IGF1R: variants seen among roughly 807,000 people sequenced by gnomAD.
IGF1R encodes insulin-like growth factor 1 receptor.
Under a neutral mutation model 144.6 loss-of-function variants are expected in IGF1R, and 44 were observed. The observed-to-expected ratio is 0.30, with a 90% confidence interval of 0.24 to 0.39. The LOEUF (loss-of-function observed/expected upper bound fraction) is 0.39. IGF1R is among the 10% of genes least tolerant of loss of function. The pLI, the probability that IGF1R is intolerant of heterozygous loss-of-function variation, is 1.00. For synonymous variants in IGF1R, 795 were observed against 722.8 expected (o/e 1.10, Z -1.60); for missense variants, 1,355 against 1,833.7 (o/e 0.74, Z 4.77).
chr15:98,939,415 A>T, intron 18 of IGF1R, 55 bp downstream of exon 18: 1 of 1,578,098 alleles, frequency 6.3e-7, no homozygotes, highest in South Asian at 1.1e-5. Flanking sequence ...TGTTTTGAGG[A>T]CTTTGTTGGC....
At chr15:98,697,419 C>G (rs1427242721) in intron 1 of IGF1R, among the ~76,000 whole-genome samples, 1 of 152,156 alleles carries the variant, frequency 6.6e-6, no homozygotes. Context: ...GCCCAGAGCC[C>G]ATTTCCCTGG....
rs544674838 is a variant in IGF1R at position 98,649,525 on chromosome 15, C to CTTTTTTTTTTT, written c.-43_-33dup. On this transcript the variant is annotated 5_prime_UTR_variant, in exon 1 of 21. Transcript: ENST00000650285. ...TCATTTCCTTTTTTTCTTTTCTTTT[C>CTTTTTTTTTTT]TTTTTTTTTTTTTTTTTTTTTTTTG... 1.7e-4 allele frequency: 121 copies of CTTTTTTTTTTT among 726,210 alleles called. 1 individual carries two copies. The highest frequency in any genetic ancestry group is 6.6e-4 in the South Asian group (37 of 56,178). The allele number at this position is 726,210 out of a possible 1,614,324, so 45.0% of individuals were successfully genotyped here. A position where few individuals can be genotyped will look rare whatever the true frequency, so the allele number is the denominator to read the frequency against.
chr15:98,664,917 A>G (rs2141184051), intron 1 of IGF1R, among the ~76,000 whole-genome samples: 1 of 146,714 alleles, frequency 6.8e-6, no homozygotes, highest in African/African-American at 2.5e-5. Flanking sequence ...TCCTAGCTAC[A>G]TTTGCCGTTT....
In IGF1R at chr15:98,719,373, C is replaced by T. The variant is rs561975482; in HGVS notation, c.640+11266C>T. Among the ~76,000 whole-genome samples, 3 of 152,256 alleles carry T rather than the reference C, an allele frequency of 2.0e-5. No individual in the cohort carries two copies. The South Asian group carries it at 6.2e-4, about 32-fold the overall frequency. ...TTACCCCTGGCCATTCTTTTGTGACCAGTAGTCCTTTATGAATGGAATTCT... is the reference window on the plus strand; with the variant it reads ...TTACCCCTGGCCATTCTTTTGTGACTAGTAGTCCTTTATGAATGGAATTCT... On this transcript the variant is annotated intron_variant, in intron 2 of 20. Transcript: ENST00000650285.
intron 2 of IGF1R, among the ~76,000 whole-genome samples, chr15:98,777,695 G>C (rs1224836975): frequency 6.6e-6 from 1 of 152,232 alleles, no homozygotes; most frequent in Non-Finnish European, 1.5e-5. Context: ...AGGGCAGCAA[G>C]TGCATCCTCA....
intron 2 of IGF1R, among the ~76,000 whole-genome samples, chr15:98,879,558 T>C (rs183071910): frequency 1.1e-4 from 16 of 152,248 alleles, no homozygotes; most frequent in Non-Finnish European, 2.1e-4. Context: ...CTCTTAACTC[T>C]TTTTTCCTGG....
intron 13 of IGF1R, among the ~76,000 whole-genome samples, chr15:98,925,353 C>T (rs892464732): frequency 1.3e-5 from 2 of 152,168 alleles, no homozygotes; most frequent in African/African-American, 2.4e-5. Context: ...GATGTATAAG[C>T]GCAACAAGGG....
intron 2 of IGF1R, among the ~76,000 whole-genome samples, chr15:98,808,482 C>T (rs2056513282): frequency 6.6e-6 from 1 of 152,090 alleles, no homozygotes; most frequent in African/African-American, 2.4e-5. Context: ...ACCTGTGTCA[C>T]CAGTGGCATA....
chr15:98,800,440 A>G (rs1730979528), intron 2 of IGF1R, among the ~76,000 whole-genome samples: 1 of 152,180 alleles, frequency 6.6e-6, no homozygotes, highest in Non-Finnish European at 1.5e-5. Context: ...CTCTACCCCA[A>G]TTTGGCAATC....
At position 98,707,909 on chromosome 15, in the gene IGF1R, G is replaced by A. The variant is rs769115447; in HGVS notation, c.442G>A (p.Asp148Asn). Residue 148 changes from aspartate to asparagine, a missense_variant, in exon 2 of 21, where the codon GAC becomes AAC. By Grantham distance (23) the Asp-to-Asn change is conservative. Coordinates refer to ENST00000650285, the MANE Select transcript of IGF1R (RefSeq NM_000875.5). This position sits in a 1 kb window ranked among gnomAD's most constrained non-coding sequence, Gnocchi z 6.7. ...GGCCATCAGGATTGAGAAAAATGCT[G>A]ACCTCTGTTACCTCTCCACTGTGGA... ...RGAIRIEKNADLCYLSTVDWS... is the reference protein window; with the variant it reads ...RGAIRIEKNANLCYLSTVDWS... 4 of 1,614,044 alleles carry A rather than the reference G, an allele frequency of 2.5e-6. No homozygotes were observed. The highest frequency in any genetic ancestry group is 3.4e-6 in the Non-Finnish European group (4 of 1,180,032).
At chr15:98,809,151 G>A (rs2056530951) in intron 2 of IGF1R, among the ~76,000 whole-genome samples, 1 of 152,234 alleles carries the variant, frequency 6.6e-6, no homozygotes, top group Non-Finnish European at 1.5e-5. Context: ...GAGGCCCTTT[G>A]ACACTCCGGG....
chr15:98,957,413 T>C lies in IGF1R; in HGVS notation c.4075T>C (p.Leu1359=), dbSNP rs2151738882. 1 of 1,613,234 alleles carries C rather than the reference T, an allele frequency of 6.2e-7. No homozygotes were observed. Among genetic ancestry groups the C allele is most frequent in the Non-Finnish European group, 8.5e-7 (1 of 1,180,050 alleles). The part of the protein sequence containing the change: ...MNGGRKNERA[L]PLPQSSTC ...CGGGGGCCGCAAGAACGAGCGGGCC[T>C]TGCCGCTGCCCCAGTCTTCGACCTG... is the stretch of plus-strand genomic sequence containing the variant. The change falls in exon 21 of 21, where the codon TTG becomes CTG. Residue 1359 remains leucine (L), a synonymous_variant. Transcript: ENST00000650285.
At chr15:98,853,533 T>C (rs536172262) in intron 2 of IGF1R, among the ~76,000 whole-genome samples, 12 of 152,348 alleles carry the variant, frequency 7.9e-5, no homozygotes, top group Non-Finnish European at 1.0e-4. Flanking sequence ...ACATCCAGTC[T>C]TGCTTAGTTT....
At chr15:98,797,480 C>T (rs1051895441) in intron 2 of IGF1R, among the ~76,000 whole-genome samples, 3 of 152,110 alleles carry the variant, frequency 2.0e-5, no homozygotes, top group African/African-American at 2.4e-5. Context: ...TTCTTTGCGT[C>T]GGAGCCATGT....
In IGF1R at chr15:98,759,245, C is replaced by G. The variant is rs138672484; in HGVS notation, c.640+51138C>G. On this transcript the variant is annotated intron_variant, in intron 2 of 20. Coordinates refer to ENST00000650285, the MANE Select transcript of IGF1R (RefSeq NM_000875.5). ...CTTGGCCCAAATTTGAGGGTATTGC[C>G]ATCTGTATCTCAGTGCAGGTGTTTC... 1.8e-4 allele frequency among the ~76,000 whole-genome samples: 27 copies of G among 152,346 alleles called. No homozygotes were observed. The Middle Eastern group carries it at 0.01, about 58-fold the overall frequency.
At chr15:98,884,448 A>C (rs1469910834) in intron 2 of IGF1R, among the ~76,000 whole-genome samples, 1 of 152,128 alleles carries the variant, frequency 6.6e-6, no homozygotes, top group Non-Finnish European at 1.5e-5. Context: ...TAATCCCAGC[A>C]CTTTGGGAGG....
At chr15:98,882,325 A>G (rs1018853114) in intron 2 of IGF1R, among the ~76,000 whole-genome samples, 1 of 152,214 alleles carries the variant, frequency 6.6e-6, no homozygotes, top group African/African-American at 2.4e-5. Context: ...CATTTTTAAT[A>G]TGTGTATGGA....
At chr15:98,895,390 ACT>A (rs939878351) in intron 3 of IGF1R, among the ~76,000 whole-genome samples, 24 of 151,134 alleles carry the variant, frequency 1.6e-4, no homozygotes, top group African/African-American at 5.1e-4. Context: ...GCTTTTTGTG[ACT>A]CTATAATTAT....
chr15:98,791,303 A>G (rs578172027), intron 2 of IGF1R, among the ~76,000 whole-genome samples: 1 of 152,384 alleles, frequency 6.6e-6, no homozygotes, highest in East Asian at 1.9e-4. Context: ...AACTTAAAAA[A>G]GCAACAACTA....
Sources: gnomAD v4.1 joint callset for allele counts (sites outside exome capture counted in the v4.1 genomes callset) on GRCh38, gnomAD v4.1.1 for gene constraint, Gnocchi (gnomAD v3.1) non-coding constraint, MANE v1.5 for transcripts, NCBI Gene and HGNC (gene_info 2026-07-23, HGNC 2026-07-21) for gene names.